EHMT1: variants seen among roughly 807,000 people sequenced by gnomAD.
EHMT1 encodes the protein euchromatic histone lysine methyltransferase 1.
In EHMT1, 15 loss-of-function variants were observed where a neutral mutation model predicts 147.2. That is an observed-to-expected ratio of 0.10 (90% CI 0.07 to 0.16). EHMT1 has a LOEUF of 0.16. EHMT1 is among the 10% of genes least tolerant of loss of function. EHMT1 has a pLI of 1.00. For missense variants in EHMT1, 1,587 were observed against 1,772.4 expected, an observed-to-expected ratio of 0.90 and a Z score of 1.88; for synonymous variants, 795 against 709.6, an observed-to-expected ratio of 1.12 and a Z score of -1.91.
intron 1 of EHMT1, among the ~76,000 whole-genome samples, chr9:137,656,897 C>T (rs1031400527): frequency 5.3e-5 from 8 of 151,916 alleles, no homozygotes; most frequent in African/African-American, 1.9e-4. Flanking sequence ...TGTGCCACCA[C>T]GCCTGGGTCA....
intron 18 of EHMT1, among the ~76,000 whole-genome samples, chr9:137,807,544 T>G (rs12341744): frequency 0.14 from 21,588 of 151,944 alleles, 5,021 homozygotes; most frequent in African/African-American, 0.49. Context: ...GTTTCACTCT[T>G]TTGCCCAGGC....
rs1263551236 is a variant in EHMT1, at chr9:137,775,662, G to A, written c.1791+410G>A. ...AGGACGTTCATCCCCCATGACAAGG[G>A]TGTACTGAGGACATTCACCCCCCAT... is the stretch of plus-strand genomic sequence containing the variant. On this transcript the variant is annotated intron_variant, in intron 11 of 26. Coordinates refer to ENST00000460843, the MANE Select transcript of EHMT1 (RefSeq NM_024757.5). This position sits in a 1 kb window ranked among gnomAD's most constrained non-coding sequence, Gnocchi z 6.1. Among the ~76,000 whole-genome samples the A allele has an allele frequency of 6.6e-6, 1 of 151,960 alleles. No homozygotes were observed. The highest frequency in any genetic ancestry group is 1.5e-5 in the Non-Finnish European group (1 of 67,938).
chr9:137,715,630 A>G, intron 2 of EHMT1: 3 of 985,380 alleles, frequency 3.0e-6, no homozygotes, highest in Non-Finnish European at 3.6e-6. Context: ...GCCTGTCCTG[A>G]GCTGAGTGTG....
intron 15 of EHMT1, chr9:137,784,213 C>A: frequency 1.3e-6 from 2 of 1,548,890 alleles, no homozygotes; most frequent in Non-Finnish European, 1.7e-6. Context: ...GAGGAAGATG[C>A]TCCAGCACAG....
rs984547114 is a variant in EHMT1 at position 137,710,879 on chromosome 9, C to T, written c.22-88C>T. 135 of 1,452,028 alleles carry T rather than the reference C, an allele frequency of 9.3e-5. 1 individual carries two copies. The highest frequency in any genetic ancestry group is 1.1e-4 in the African/African-American group (8 of 71,098). 89.9% of individuals were successfully genotyped at this position (1,452,028 alleles called of 1,614,324 possible). On this transcript the variant is annotated intron_variant, in intron 1 of 26. Coordinates refer to ENST00000460843, the MANE Select transcript of EHMT1 (RefSeq NM_024757.5). ...CAGCTCATGGTGAATGTTGTAACTA[C>T]GATTTTTTGACTTTTTCCAAATGAT... is the stretch of plus-strand genomic sequence containing the variant.
chr9:137,777,836 A>G (rs1951075164), intron 12 of EHMT1, 46 bp from the exon 13 acceptor site: 2 of 1,608,740 alleles, frequency 1.2e-6, no homozygotes, highest in Non-Finnish European at 1.7e-6. Flanking sequence ...GGAACAGGCC[A>G]TGTTTCGTGT....
intron 6 of EHMT1, among the ~76,000 whole-genome samples, chr9:137,748,657 G>A (rs927228543): frequency 8.5e-5 from 13 of 152,218 alleles, no homozygotes; most frequent in Admixed American, 7.9e-4. Flanking sequence ...GCAGATAGTG[G>A]CATTACGTTT....
chr9:137,768,651 G>A (rs1950397776), intron 10 of EHMT1, among the ~76,000 whole-genome samples: 1 of 130,728 alleles, frequency 7.6e-6, no homozygotes, highest in South Asian at 2.7e-4. Flanking sequence ...CCGGGTTCAC[G>A]CCATTCTCCC....
rs570496537 is a variant in EHMT1, at chr9:137,680,877, G to A, written c.22-30090G>A. Reference sequence around the variant, plus strand: ...GCTTGTCACTCACAGATGAGCAGGGGACAGCAGATGCCGGGGCTCGTGGTG... The same window carrying A: ...GCTTGTCACTCACAGATGAGCAGGGAACAGCAGATGCCGGGGCTCGTGGTG... On this transcript the variant is annotated intron_variant, in intron 1 of 26. Coordinates refer to ENST00000460843, the MANE Select transcript of EHMT1 (RefSeq NM_024757.5). The A allele has an allele frequency of 3.9e-5, 6 of 152,484 alleles. No homozygotes were observed. The East Asian group carries it at 1.2e-3, about 29-fold the overall frequency. The allele number at this position is 152,484 out of a possible 1,614,324, so 9.4% of individuals were successfully genotyped here.
At chr9:137,652,490 A>C (rs114878117) in intron 1 of EHMT1, among the ~76,000 whole-genome samples, 3,224 of 150,506 alleles carry the variant, frequency 0.021, 116 homozygotes, top group African/African-American at 0.069. Flanking sequence ...TGGTTGGAGC[A>C]ATTCTCCTGC....
intron 16 of EHMT1, among the ~76,000 whole-genome samples, chr9:137,795,699 G>A (rs1952886505): frequency 1.3e-5 from 2 of 152,054 alleles, no homozygotes; most frequent in South Asian, 4.2e-4. Flanking sequence ...TCCTATTGAC[G>A]ACCTGCTGTG....
In EHMT1 at chr9:137,776,312, C is replaced by T. The variant is rs1168884848; in HGVS notation, c.1792-306C>T. 6.6e-6 allele frequency among the ~76,000 whole-genome samples: 1 copy of T among 152,112 alleles called. No homozygotes were observed. The highest frequency in any genetic ancestry group is 1.5e-5 in the Non-Finnish European group (1 of 68,020). On this transcript the variant is annotated intron_variant, in intron 11 of 26. Transcript: ENST00000460843. This position sits in a 1 kb window ranked among gnomAD's most constrained non-coding sequence, Gnocchi z 4.4. Reference sequence around the variant, plus strand: ...CCTATCCGCCCTTCAGAGTAGGGGCCTTCTGGGTCCTTCTTTAGGCCTTCT... The same window carrying T: ...CCTATCCGCCCTTCAGAGTAGGGGCTTTCTGGGTCCTTCTTTAGGCCTTCT...
intron 1 of EHMT1, among the ~76,000 whole-genome samples, chr9:137,648,954 C>T (rs920639008): frequency 1.4e-4 from 22 of 152,320 alleles, no homozygotes; most frequent in Admixed American, 3.3e-4. Flanking sequence ...AGTTTTTCTG[C>T]TTATGAGCTG....
intron 25 of EHMT1, among the ~76,000 whole-genome samples, chr9:137,822,296 G>A (rs567855390): frequency 4.7e-4 from 72 of 152,322 alleles, no homozygotes; most frequent in African/African-American, 1.4e-3. Context: ...GTGGGCCTCC[G>A]TCCTTTCCAG....
At chr9:137,628,508 G>C (rs1843410915) in intron 1 of EHMT1, among the ~76,000 whole-genome samples, 1 of 152,170 alleles carries the variant, frequency 6.6e-6, no homozygotes, top group Non-Finnish European at 1.5e-5. Context: ...ATCTCCAACT[G>C]GGCTCAGGCG....
rs1261964743 is a variant in EHMT1, at chr9:137,732,764, A to G, written c.823+4235A>G. On this transcript the variant is annotated intron_variant, in intron 4 of 26. Transcript: ENST00000460843. The surrounding 1 kb of genome is among the most constrained non-coding windows in gnomAD (Gnocchi z 4.6). ...CTATCTGCCTAGGAATTTGTCTGCCATTATCACTTTTATTTCTTCAACTGT... is the reference window on the plus strand; with the variant it reads ...CTATCTGCCTAGGAATTTGTCTGCCGTTATCACTTTTATTTCTTCAACTGT... Among the ~76,000 whole-genome samples the G allele has an allele frequency of 6.6e-6, 1 of 152,144 alleles. No individual in the cohort carries two copies. Among genetic ancestry groups the G allele is most frequent in the Non-Finnish European group, 1.5e-5 (1 of 68,040 alleles).
At chr9:137,788,324 G>C (rs61745356) in intron 15 of EHMT1, 8,554 of 388,306 alleles carry the variant, frequency 0.022, 642 homozygotes, top group African/African-American at 0.16. Context: ...CAGCACTCAG[G>C]GGGCCCAGGA....
intron 1 of EHMT1, among the ~76,000 whole-genome samples, chr9:137,689,820 C>T (rs1403555873): frequency 3.3e-5 from 5 of 152,186 alleles, no homozygotes; most frequent in Non-Finnish European, 7.3e-5. Context: ...GCATAGACAT[C>T]TGGGAGGAAG....
intron 8 of EHMT1, among the ~76,000 whole-genome samples, chr9:137,755,070 A>T (rs972300246): frequency 2.6e-5 from 4 of 152,216 alleles, no homozygotes; most frequent in African/African-American, 9.7e-5. Flanking sequence ...TTTTGTTTCC[A>T]GCTTAACCGA....
Sources: gnomAD v4.1 joint callset for allele counts (sites outside exome capture counted in the v4.1 genomes callset) on GRCh38, gnomAD v4.1.1 for gene constraint, Gnocchi (gnomAD v3.1) non-coding constraint, MANE v1.5 for transcripts, NCBI Gene and HGNC (gene_info 2026-07-23, HGNC 2026-07-21) for gene names.